Variants in PRTFDC1 observed in about 807,000 individuals in gnomAD.
The protein encoded by PRTFDC1 is phosphoribosyltransferase domain-containing protein 1.
Under a neutral mutation model 34.6 loss-of-function variants are expected in PRTFDC1, and 38 were observed. That is an observed-to-expected ratio of 1.10 (90% CI 0.85 to 1.44). The LOEUF (loss-of-function observed/expected upper bound fraction) is 1.44, where lower values mean the gene tolerates loss of function less well. Among genes scored for constraint, PRTFDC1 ranks in the 40% most tolerant of loss-of-function variants. The probability of loss-of-function intolerance (pLI) is 0.00; values close to 1 mark genes in which losing one functional copy is unlikely to be tolerated. For missense variants in PRTFDC1, 270 were observed against 283.0 expected (o/e 0.95, Z 0.33); for synonymous variants, 93 against 98.1 (o/e 0.95, Z 0.31).
intron 8 of PRTFDC1, among the ~76,000 whole-genome samples, chr10:24,850,452 G>A (rs1002980986): frequency 9.9e-5 from 15 of 152,174 alleles, no homozygotes; most frequent in Admixed American, 1.3e-4. Flanking sequence ...GACAGCATAC[G>A]AAGACCCCAT....
chr10:24,920,427 C>G (rs1242458105), intron 3 of PRTFDC1, among the ~76,000 whole-genome samples: 2 of 152,006 alleles, frequency 1.3e-5, no homozygotes, highest in Admixed American at 1.3e-4. Context: ...CAAACTAATG[C>G]AGGAACAGAA....
chr10:24,900,906 T>C (rs1474791544), intron 3 of PRTFDC1, among the ~76,000 whole-genome samples: 2 of 152,176 alleles, frequency 1.3e-5, no homozygotes, highest in Non-Finnish European at 2.9e-5. Flanking sequence ...GGCATGACCC[T>C]ACGAAAGGAG....
chr10:24,912,640 T>A (rs901688257), intron 3 of PRTFDC1, among the ~76,000 whole-genome samples: 2 of 152,142 alleles, frequency 1.3e-5, no homozygotes, highest in Admixed American at 1.3e-4. Context: ...GGATATAAGA[T>A]CTTTATCAGA....
intron 7 of PRTFDC1, among the ~76,000 whole-genome samples, chr10:24,854,729 G>A (rs374963329): frequency 6.6e-6 from 1 of 152,192 alleles, no homozygotes; most frequent in African/African-American, 2.4e-5. Flanking sequence ...TGTGAAGATG[G>A]TATCTAGAGA....
In PRTFDC1 at chr10:24,917,428, T is replaced by A. The variant is rs557474766; in HGVS notation, c.339+19756A>T. Among the ~76,000 whole-genome samples the A allele has an allele frequency of 2.5e-3, 383 of 152,336 alleles. 1 individual carries two copies. The highest frequency in any genetic ancestry group is 8.0e-3 in the African/African-American group (334 of 41,576). On this transcript the variant is annotated intron_variant, in intron 3 of 8. Coordinates refer to ENST00000320152, the MANE Select transcript of PRTFDC1 (RefSeq NM_020200.7). Reference sequence around the variant, plus strand: ...TTTTCTTCTCCTCTTATTTGTCTTCTCTTATTCTGTTACAGACTCTTGTTC... The same window carrying A: ...TTTTCTTCTCCTCTTATTTGTCTTCACTTATTCTGTTACAGACTCTTGTTC...
intron 1 of PRTFDC1, chr10:24,951,694 C>T (rs1849347927): frequency 1.2e-6 from 1 of 832,026 alleles, no homozygotes; most frequent in African/African-American, 1.8e-5. Flanking sequence ...ATAACCACCA[C>T]CTTCTAGGAA....
chr10:24,852,078 C>CA (rs2132484888), intron 7 of PRTFDC1, among the ~76,000 whole-genome samples: 1 of 152,098 alleles, frequency 6.6e-6, no homozygotes, highest in East Asian at 1.9e-4. Flanking sequence ...TAATGAGCTC[C>CA]CTACTGAGGG....
At position 24,901,371 on chromosome 10, in the gene PRTFDC1, T is replaced by C. The variant is rs547474130; in HGVS notation, c.340-29308A>G. Among the ~76,000 whole-genome samples, 84 of 152,296 alleles carry C rather than the reference T, an allele frequency of 5.5e-4. 1 individual carries two copies. Among genetic ancestry groups the C allele is most frequent in the African/African-American group, 2.0e-3 (84 of 41,560 alleles). On this transcript the variant is annotated intron_variant, in intron 3 of 8. Coordinates refer to ENST00000320152, the MANE Select transcript of PRTFDC1 (RefSeq NM_020200.7). ...GAGAGTGTAATAAAAATAGAAATTA[T>C]AGATGGAAAGTCTCATTTAAAGAGA...
chr10:24,915,976 G>A (rs1848687873), intron 3 of PRTFDC1, among the ~76,000 whole-genome samples: 1 of 152,144 alleles, frequency 6.6e-6, no homozygotes, highest in Non-Finnish European at 1.5e-5. Context: ...CCAACTGCCT[G>A]CTTATCTTGG....
chr10:24,899,913 T>G (rs1486310540), intron 3 of PRTFDC1, among the ~76,000 whole-genome samples: 1 of 152,192 alleles, frequency 6.6e-6, no homozygotes, highest in African/African-American at 2.4e-5. Flanking sequence ...ATCTGTGGAC[T>G]CTCATCTACT....
At chr10:24,920,759 A>G (rs576072232) in intron 3 of PRTFDC1, among the ~76,000 whole-genome samples, 82 of 152,306 alleles carry the variant, frequency 5.4e-4, no homozygotes, top group African/African-American at 1.8e-3. Flanking sequence ...AGAGTAGTCT[A>G]ACAGTACTGC....
chr10:24,871,645 TGAA>T, intron 4 of PRTFDC1, among the ~76,000 whole-genome samples: 1 of 134,118 alleles, frequency 7.5e-6, no homozygotes, highest in African/African-American at 2.7e-5. Flanking sequence ...AGAGGATGGA[TGAA>T]AAAAAAAAAA....
Position 24,885,438 on chromosome 10 carries a change from C to T in PRTFDC1, c.340-13375G>A, listed in dbSNP as rs150001466. ...TGATTTATTTTGAGGCAGAGTCTTGCTCTGTTGCCCAGGATGGAGTGCAGT... is the reference window on the plus strand; with the variant it reads ...TGATTTATTTTGAGGCAGAGTCTTGTTCTGTTGCCCAGGATGGAGTGCAGT... On this transcript the variant is annotated intron_variant, in intron 3 of 8. Transcript: ENST00000320152. Among the ~76,000 whole-genome samples, 21 of 152,338 alleles carry T rather than the reference C, an allele frequency of 1.4e-4. No homozygotes were observed. The East Asian group carries it at 4.0e-3, about 29-fold the overall frequency.
intron 2 of PRTFDC1, among the ~76,000 whole-genome samples, chr10:24,942,008 C>T (rs1363424216): frequency 2.0e-5 from 3 of 152,132 alleles, no homozygotes; most frequent in Admixed American, 6.5e-5. Flanking sequence ...GATCACGGAA[C>T]GTCCCCCCTC....
intron 4 of PRTFDC1, among the ~76,000 whole-genome samples, chr10:24,864,701 G>A (rs1468430857): frequency 6.6e-6 from 1 of 152,160 alleles, no homozygotes; most frequent in Non-Finnish European, 1.5e-5. Flanking sequence ...CAAAAAATTT[G>A]TGTGGCTCTC....
Position 24,939,648 on chromosome 10 carries a change from G to T in PRTFDC1, c.156-2281C>A, listed in dbSNP as rs1008414782. ...TCTCTACTAAAAATACAAAAAATTAGCCAGGTGTGGTGGTGCATGCTTATA... is the reference window on the plus strand; with the variant it reads ...TCTCTACTAAAAATACAAAAAATTATCCAGGTGTGGTGGTGCATGCTTATA... On this transcript the variant is annotated intron_variant, in intron 2 of 8. Coordinates refer to ENST00000320152, the MANE Select transcript of PRTFDC1 (RefSeq NM_020200.7). 1.6e-4 allele frequency among the ~76,000 whole-genome samples: 24 copies of T among 151,768 alleles called. 1 individual carries two copies. The highest frequency in any genetic ancestry group is 7.4e-5 in the Non-Finnish European group (5 of 67,950).
rs189754577 is a variant in PRTFDC1, at chr10:24,876,771, A to G, written c.340-4708T>C. 2.3e-4 allele frequency among the ~76,000 whole-genome samples: 35 copies of G among 151,698 alleles called. 1 individual carries two copies. In the East Asian group the frequency reaches 2.3e-3, roughly 10 times the overall value. On this transcript the variant is annotated intron_variant, in intron 3 of 8. Coordinates refer to ENST00000320152, the MANE Select transcript of PRTFDC1 (RefSeq NM_020200.7). ...ACTGTATTGCCCAGGCTGGTCTCGA[A>G]CTCCTGGCCCCAAGCAAACCTCCCA...
At position 24,937,229 on chromosome 10, in the gene PRTFDC1, T is replaced by A; in HGVS notation, c.294A>T (p.Arg98=). The A allele has an allele frequency of 6.2e-7, 1 of 1,613,920 alleles. No individual in the cohort carries two copies. Among genetic ancestry groups the A allele is most frequent in the Non-Finnish European group, 8.5e-7 (1 of 1,179,988 alleles). The change falls in exon 3 of 9, where the codon CGA becomes CGT. Residue 98 remains arginine (R), a synonymous_variant. Coordinates refer to ENST00000320152, the MANE Select transcript of PRTFDC1 (RefSeq NM_020200.7). ...HLKNISRNSD[R]FVSMKVDFIR... is the part of the protein sequence containing the mutation. ...TGAAATCAACCTTCATTGAGACAAA[T>A]CGATCTGAATTTCGGCTGATGTTCT...
chr10:24,942,338 A>G lies in PRTFDC1; in HGVS notation c.147T>C (p.Ile49=), dbSNP rs1411986800. The G allele has an allele frequency of 6.8e-6, 11 of 1,610,610 alleles. No homozygotes were observed. The highest frequency in any genetic ancestry group is 9.3e-6 in the Non-Finnish European group (11 of 1,176,868). Residue 49 remains isoleucine (I), a synonymous_variant, in exon 2 of 9, where the codon ATT becomes ATC. Transcript: ENST00000320152. The stretch of plus-strand genomic sequence containing the variant: ...CAGGAAATCACACTCACCTGTCCAC[A>G]ATGATACCATGAGGGATGAGGACAT... ...LEYVLIPHGI[I]VDRIERLAKD...
Sources: allele counts gnomAD v4.1 joint callset (sites outside exome capture counted in the v4.1 genomes callset), GRCh38; gene constraint gnomAD v4.1.1; transcripts MANE v1.5; gene names NCBI Gene and HGNC (gene_info 2026-07-23, HGNC 2026-07-21).